Variants in HSPA12A observed in about 807,000 individuals in gnomAD.
HSPA12A encodes heat shock 70 kDa protein 12A.
A neutral mutation model predicts 69.2 loss-of-function variants in HSPA12A; 28 were observed. That is an observed-to-expected ratio of 0.40 (90% CI 0.30 to 0.55). The LOEUF is 0.55. Ranked by LOEUF, HSPA12A falls within the 20% of genes least tolerant of loss-of-function variation. The pLI is 0.38. For missense variants in HSPA12A, 686 were observed against 900.7 expected, an observed-to-expected ratio of 0.76 and a Z score of 3.05; for synonymous variants, 345 against 370.5, an observed-to-expected ratio of 0.93 and a Z score of 0.79.
chr10:116,807,874 G>A (rs1204942202), intron 2 of HSPA12A, among the ~76,000 whole-genome samples: 1 of 152,168 alleles, frequency 6.6e-6, no homozygotes, highest in Admixed American at 6.5e-5. Flanking sequence ...CTTCAATCAG[G>A]ACATGCAGAC....
rs544093674 is a variant in HSPA12A at position 116,742,393 on chromosome 10, G to T, written c.40+37C>A. On this transcript the variant is annotated intron_variant, in intron 1 of 11. Coordinates refer to ENST00000369209, the MANE Select transcript of HSPA12A (RefSeq NM_025015.3). Reference sequence around the variant, plus strand: ...AGCGCGCCTCCTCCCTCCCTGCCCCGCCAGCCGCGGCCGCAGGACCCGCAG... The same window carrying T: ...AGCGCGCCTCCTCCCTCCCTGCCCCTCCAGCCGCGGCCGCAGGACCCGCAG... The T allele has an allele frequency of 5.1e-4, 730 of 1,428,294 alleles. 7 individuals carry two copies. The African/African-American group carries it at 0.01, about 20-fold the overall frequency. 88.5% of individuals were successfully genotyped at this position (1,428,294 alleles called of 1,614,324 possible). A position where few individuals can be genotyped will look rare whatever the true frequency, so the allele number is the denominator to read the frequency against.
At chr10:116,750,896 C>T (rs1851762392) in intron 2 of HSPA12A, among the ~76,000 whole-genome samples, 1 of 152,050 alleles carries the variant, frequency 6.6e-6, no homozygotes, top group Non-Finnish European at 1.5e-5. Flanking sequence ...TCGCTTTAGC[C>T]TCGGAGGTCG....
At chr10:116,778,618 A>T (rs1038137597) in intron 2 of HSPA12A, among the ~76,000 whole-genome samples, 1 of 152,196 alleles carries the variant, frequency 6.6e-6, no homozygotes, top group Non-Finnish European at 1.5e-5. Flanking sequence ...CAGAAAGTCC[A>T]GGCTGGGCAT....
chr10:116,773,528 C>T (rs1223282829), intron 2 of HSPA12A, among the ~76,000 whole-genome samples: 4 of 152,214 alleles, frequency 2.6e-5, no homozygotes, highest in Non-Finnish European at 4.4e-5. Context: ...GTTCTGCCTC[C>T]CTTCTGTCAC....
At chr10:116,699,436 G>A (rs1162034838) in intron 4 of HSPA12A, among the ~76,000 whole-genome samples, 2 of 152,114 alleles carry the variant, frequency 1.3e-5, no homozygotes, top group Non-Finnish European at 2.9e-5. Context: ...GGGAGTGAGA[G>A]CAAAAATCAG....
intron 2 of HSPA12A, among the ~76,000 whole-genome samples, chr10:116,824,872 T>A (rs1845473297): frequency 6.6e-6 from 1 of 151,838 alleles, no homozygotes; most frequent in Non-Finnish European, 1.5e-5. Flanking sequence ...GAACTTGTGA[T>A]CTGCCTGCCT....
chr10:116,796,524 A>C (rs1188108932), intron 2 of HSPA12A, among the ~76,000 whole-genome samples: 2 of 151,670 alleles, frequency 1.3e-5, no homozygotes, highest in Non-Finnish European at 2.9e-5. Context: ...CCCCATCCCC[A>C]CTCAAACTAC....
At chr10:116,703,103 C>T (rs980913986) in intron 3 of HSPA12A, among the ~76,000 whole-genome samples, 4 of 152,152 alleles carry the variant, frequency 2.6e-5, no homozygotes, top group African/African-American at 9.7e-5. Flanking sequence ...AGCACAGACC[C>T]TCACAGCATC....
chr10:116,823,904 C>T (rs1423802743), intron 2 of HSPA12A, among the ~76,000 whole-genome samples: 1 of 152,058 alleles, frequency 6.6e-6, no homozygotes, highest in Non-Finnish European at 1.5e-5. Context: ...TATGGCTAAA[C>T]TGGACTTAAT....
At chr10:116,714,326 C>T (rs1174193123) in intron 1 of HSPA12A, among the ~76,000 whole-genome samples, 2 of 152,136 alleles carry the variant, frequency 1.3e-5, no homozygotes, top group Non-Finnish European at 2.9e-5. Context: ...AGCTCTCAAA[C>T]CACCCAGGTC....
At position 116,675,211 on chromosome 10, in the gene HSPA12A, G is replaced by GACCGGCGC; in HGVS notation, c.1590_1597dup (p.Ser533CysfsTer10). ...CACGCCTACCCCGTAGGTGAGCGGC[G>GACCGGCGC]ACCGGCGCACCTTGATGACCGCGGG... On this transcript the variant is annotated frameshift_variant, in exon 12 of 12. Transcript: ENST00000369209. LOFTEE classifies it high-confidence loss of function. The surrounding 1 kb of genome is among the most constrained non-coding windows in gnomAD (Gnocchi z 5.2). 6.2e-7 allele frequency: 1 copy of GACCGGCGC among 1,613,742 alleles called. No homozygotes were observed. Among genetic ancestry groups the GACCGGCGC allele is most frequent in the African/African-American group, 1.3e-5 (1 of 75,064 alleles).
intron 6 of HSPA12A, among the ~76,000 whole-genome samples, chr10:116,689,193 G>T (rs1849663688): frequency 6.6e-6 from 1 of 151,898 alleles, no homozygotes; most frequent in African/African-American, 2.4e-5. Context: ...CTTCCAGGCT[G>T]CTTTCTCCTC....
chr10:116,834,192 G>A (rs982241974), intron 2 of HSPA12A, among the ~76,000 whole-genome samples: 2 of 152,148 alleles, frequency 1.3e-5, no homozygotes, highest in Non-Finnish European at 1.5e-5. Flanking sequence ...GTCAGTTCTC[G>A]GCTTGTCACC....
intron 2 of HSPA12A, among the ~76,000 whole-genome samples, chr10:116,825,984 G>A (rs755601664): frequency 6.6e-6 from 1 of 152,142 alleles, no homozygotes; most frequent in Non-Finnish European, 1.5e-5. Context: ...CAACAGAAAG[G>A]CTTCCGGGGA....
chr10:116,837,088 G>A (rs1845727628), intron 1 of HSPA12A, among the ~76,000 whole-genome samples: 1 of 152,120 alleles, frequency 6.6e-6, no homozygotes, highest in Admixed American at 6.5e-5. Flanking sequence ...GACACACTGT[G>A]GGAACGGGGA....
At position 116,676,456 on chromosome 10, in the gene HSPA12A, G is replaced by C; in HGVS notation, c.1333C>G (p.Pro445Ala). 1 of 1,614,014 alleles carries C rather than the reference G, an allele frequency of 6.2e-7. No homozygotes were observed. Among genetic ancestry groups the C allele is most frequent in the Non-Finnish European group, 8.5e-7 (1 of 1,180,032 alleles). ...WSSQGMLRMS[P>A]DAMNALFKPT... ...TTAAAAAGGGCGTTCATGGCATCTGGACTCATCCGCAGCATCCCCTGCGAG... is the reference window on the plus strand; with the variant it reads ...TTAAAAAGGGCGTTCATGGCATCTGCACTCATCCGCAGCATCCCCTGCGAG... The change falls in exon 11 of 12, where the codon CCA (proline) becomes GCA (alanine). Residue 445 changes from proline (P) to alanine (A), a missense_variant. Coordinates refer to ENST00000369209, the MANE Select transcript of HSPA12A (RefSeq NM_025015.3).
At chr10:116,735,601 C>T (rs1851289774) in intron 1 of HSPA12A, among the ~76,000 whole-genome samples, 1 of 152,160 alleles carries the variant, frequency 6.6e-6, no homozygotes, top group African/African-American at 2.4e-5. Flanking sequence ...ACTACCCAGA[C>T]TAGTTGAGCC....
At chr10:116,799,888 C>A (rs545722810) in intron 2 of HSPA12A, among the ~76,000 whole-genome samples, 1 of 151,876 alleles carries the variant, frequency 6.6e-6, no homozygotes, top group Admixed American at 6.5e-5. Context: ...GGTAATAATA[C>A]AGCAGTGAAC....
At chr10:116,706,767 T>C (rs953780949) in intron 2 of HSPA12A, among the ~76,000 whole-genome samples, 1 of 152,220 alleles carries the variant, frequency 6.6e-6, no homozygotes, top group East Asian at 1.9e-4. Context: ...CAGAAGCGAT[T>C]ATACTGCTAG....
Sources: allele counts gnomAD v4.1 joint callset (sites outside exome capture counted in the v4.1 genomes callset), GRCh38; gene constraint gnomAD v4.1.1; non-coding constraint Gnocchi (gnomAD v3.1); transcripts MANE v1.5; gene names NCBI Gene and HGNC (gene_info 2026-07-23, HGNC 2026-07-21).